The following NFIB variants were observed in gnomAD, a reference collection of about 807,000 sequenced individuals.
NFIB encodes nuclear factor 1 B-type.
In NFIB, 11 loss-of-function variants were observed where a neutral mutation model predicts 61.5. The ratio of observed to expected loss-of-function variants is 0.18; its 90% CI spans 0.11 to 0.30. The LOEUF is 0.30. Among genes scored for constraint, NFIB ranks in the 10% least tolerant of loss-of-function variants. The pLI is 1.00. For synonymous variants in NFIB, 260 were observed against 216.5 expected (o/e 1.20, Z -1.76); for missense variants, 471 against 608.9 (o/e 0.77, Z 2.38).
the NFIB span, among the ~76,000 whole-genome samples, chr9:14,450,887 T>C: frequency 6.6e-6 from 1 of 152,250 alleles, no homozygotes; most frequent in Non-Finnish European, 1.5e-5. Context: ...AGCTACACTT[T>C]ACCCAGTGCC....
intron 2 of NFIB, among the ~76,000 whole-genome samples, chr9:14,183,145 GAAAATGACTGGT>G (rs2046989672): frequency 6.6e-6 from 1 of 152,168 alleles, no homozygotes; most frequent in Non-Finnish European, 1.5e-5. Context: ...ACACGCATCT[GAAAATGACTGGT>G]GGGATGACTA....
chr9:14,296,348 T>C (rs537758519), intron 2 of NFIB, among the ~76,000 whole-genome samples: 70 of 152,358 alleles, frequency 4.6e-4, no homozygotes, highest in Admixed American at 3.9e-4. Context: ...CACATGGAGC[T>C]GAAGTGACTT....
intron 2 of NFIB, among the ~76,000 whole-genome samples, chr9:14,264,626 C>T (rs192491240): frequency 2.0e-5 from 3 of 152,194 alleles, no homozygotes; most frequent in East Asian, 3.9e-4. Flanking sequence ...TCAAAGGGTC[C>T]GATCTGCTAT....
chr9:14,389,427 A>G (rs1308114652), intron 1 of NFIB, among the ~76,000 whole-genome samples: 1 of 152,182 alleles, frequency 6.6e-6, no homozygotes, highest in Non-Finnish European at 1.5e-5. Flanking sequence ...AAATAGATCC[A>G]TATGCTTATC....
At chr9:14,260,818 TG>T (rs949923710) in intron 2 of NFIB, among the ~76,000 whole-genome samples, 1 of 152,218 alleles carries the variant, frequency 6.6e-6, no homozygotes, top group Non-Finnish European at 1.5e-5. Flanking sequence ...GGGCATGGAT[TG>T]GCCCAAAGGA....
chr9:14,441,884 T>C, the NFIB span, among the ~76,000 whole-genome samples: 48 of 152,324 alleles, frequency 3.2e-4, no homozygotes, highest in African/African-American at 9.9e-4. Context: ...TATGATTGTA[T>C]TACCCTCAAG....
the NFIB span, among the ~76,000 whole-genome samples, chr9:14,520,226 T>G: frequency 2.6e-5 from 4 of 152,240 alleles, no homozygotes; most frequent in Non-Finnish European, 5.9e-5. Flanking sequence ...CATTTCTTCA[T>G]GTTTTCAATG....
Position 14,247,757 on chromosome 9 carries a change from G to C in NFIB, c.562+59232C>G, listed in dbSNP as rs561091714. Among the ~76,000 whole-genome samples, 7 of 152,238 alleles carry C rather than the reference G, an allele frequency of 4.6e-5. No individual in the cohort carries two copies. In the East Asian group the frequency reaches 1.4e-3, roughly 29 times the overall value. Reference sequence around the variant, plus strand: ...GGCCCACTGCTTGGCATACAGTCAAGACTCAGTAATTAGTGGGTACTCTGC... The same window carrying C: ...GGCCCACTGCTTGGCATACAGTCAACACTCAGTAATTAGTGGGTACTCTGC... On this transcript the variant is annotated intron_variant, in intron 2 of 10. Transcript: ENST00000380953.
At chr9:14,344,727 A>G (rs949244480) in intron 1 of NFIB, among the ~76,000 whole-genome samples, 7 of 152,120 alleles carry the variant, frequency 4.6e-5, no homozygotes, top group Non-Finnish European at 1.0e-4. Context: ...CTCCTCCTAC[A>G]GGGTTGCCAA....
intron 7 of NFIB, among the ~76,000 whole-genome samples, chr9:14,124,465 AC>A (rs2039376957): frequency 6.6e-6 from 1 of 152,200 alleles, no homozygotes; most frequent in Non-Finnish European, 1.5e-5. Context: ...TATAGCACCA[AC>A]AAATATCAAC....
the NFIB span, among the ~76,000 whole-genome samples, chr9:14,507,185 A>C: frequency 6.6e-6 from 1 of 152,200 alleles, no homozygotes; most frequent in Non-Finnish European, 1.5e-5. Flanking sequence ...TTTTAAGGTT[A>C]AACAAAATCA....
chr9:14,376,137 T>A (rs4741367), intron 1 of NFIB, among the ~76,000 whole-genome samples: 34 of 152,112 alleles, frequency 2.2e-4, no homozygotes, highest in East Asian at 9.7e-4. Context: ...CATAGCACAC[T>A]ACAGTCTTAA....
chr9:14,102,438 C>T (rs762371182), intron 10 of NFIB: 1 of 1,549,774 alleles, frequency 6.5e-7, no homozygotes, highest in South Asian at 1.2e-5. Context: ...CAAGTAATTC[C>T]CAATGTATCC....
intron 2 of NFIB, chr9:14,305,767 A>G (rs1322241094): frequency 1.3e-5 from 4 of 297,988 alleles, no homozygotes; most frequent in Non-Finnish European, 1.9e-5. Flanking sequence ...TTTGAATAAT[A>G]AAGCTCATAG....
At chr9:14,264,578 A>G (rs1222945130) in intron 2 of NFIB, among the ~76,000 whole-genome samples, 1 of 152,190 alleles carries the variant, frequency 6.6e-6, no homozygotes, top group Non-Finnish European at 1.5e-5. Context: ...TCTGAGGATT[A>G]CCCAGATTAC....
chr9:14,372,750 C>T (rs62532824), intron 1 of NFIB, among the ~76,000 whole-genome samples: 17,640 of 152,134 alleles, frequency 0.12, 1,112 homozygotes, highest in Middle Eastern at 0.15. Context: ...ATTGCAGTGT[C>T]CCTTTGAGTT....
chr9:14,154,781 T>C (rs955494121), intron 4 of NFIB, among the ~76,000 whole-genome samples: 9 of 152,216 alleles, frequency 5.9e-5, no homozygotes, highest in Non-Finnish European at 8.8e-5. Context: ...CTGTTCACTT[T>C]AGAAATGTGA....
intron 1 of NFIB, among the ~76,000 whole-genome samples, chr9:14,348,668 A>C (rs911111135): frequency 2.2e-4 from 33 of 152,170 alleles, no homozygotes; most frequent in Admixed American, 5.9e-4. Flanking sequence ...CAGCAGTGGG[A>C]TGGCTCTGGG....
At chr9:14,258,900 T>G (rs1587977853) in intron 2 of NFIB, among the ~76,000 whole-genome samples, 1 of 152,196 alleles carries the variant, frequency 6.6e-6, no homozygotes, top group South Asian at 2.1e-4. Context: ...AGTCCAGGGC[T>G]CTGGTTACTA....
Sources: allele counts gnomAD v4.1 joint callset (sites outside exome capture counted in the v4.1 genomes callset), GRCh38; gene constraint gnomAD v4.1.1; transcripts MANE v1.5; gene names NCBI Gene and HGNC (gene_info 2026-07-23, HGNC 2026-07-21).